SYK: variants seen among roughly 807,000 people sequenced by gnomAD.
SYK encodes tyrosine-protein kinase SYK.
A neutral mutation model predicts 77.8 loss-of-function variants in SYK; 16 were observed. The observed-to-expected ratio is 0.21, with a 90% CI of 0.14 to 0.31. The LOEUF is 0.31. Ranked by LOEUF, SYK falls within the 10% of genes least tolerant of loss-of-function variation. SYK has a pLI of 1.00. For missense variants in SYK, 529 were observed against 814.4 expected (o/e 0.65, Z 4.26); for synonymous variants, 312 against 308.7 (o/e 1.01, Z -0.11).
chr9:90,840,665 A>G (rs1414676031), intron 1 of SYK, among the ~76,000 whole-genome samples: 3 of 152,188 alleles, frequency 2.0e-5, no homozygotes, highest in African/African-American at 7.2e-5. Flanking sequence ...CTTTCTGTTA[A>G]CAGCATTCTT....
intron 1 of SYK, among the ~76,000 whole-genome samples, chr9:90,836,345 T>C (rs925569937): frequency 6.6e-6 from 1 of 151,620 alleles, no homozygotes; most frequent in African/African-American, 2.4e-5. Flanking sequence ...ACAAAATATA[T>C]GTAGTCTATT....
chr9:90,870,274 T>C (rs1159145162), intron 7 of SYK, among the ~76,000 whole-genome samples: 3 of 152,234 alleles, frequency 2.0e-5, no homozygotes, highest in Non-Finnish European at 4.4e-5. Context: ...CCTTCTTTTA[T>C]GGAAAATAGG....
At chr9:90,847,944 G>A (rs954666026) in intron 3 of SYK, among the ~76,000 whole-genome samples, 8 of 152,158 alleles carry the variant, frequency 5.3e-5, no homozygotes, top group South Asian at 2.1e-4. Flanking sequence ...ACCTTGGAGG[G>A]GTTTGCCACC....
intron 1 of SYK, among the ~76,000 whole-genome samples, chr9:90,831,799 CT>C (rs1825905870): frequency 6.6e-6 from 1 of 152,204 alleles, no homozygotes; most frequent in African/African-American, 2.4e-5. Context: ...AACACATTTT[CT>C]TTTCTCTTGG....
chr9:90,891,463 T>C (rs1238424532), intron 13 of SYK, among the ~76,000 whole-genome samples: 3 of 152,162 alleles, frequency 2.0e-5, no homozygotes, highest in African/African-American at 7.2e-5. Context: ...GGAACCTCCA[T>C]GTTGAATATC....
At chr9:90,892,367 A>G (rs185618429) in intron 13 of SYK, among the ~76,000 whole-genome samples, 1 of 152,332 alleles carries the variant, frequency 6.6e-6, no homozygotes, top group East Asian at 1.9e-4. Flanking sequence ...TCATCCTGCT[A>G]CAGGAAGGGT....
chr9:90,826,707 C>A (rs1315865182), intron 1 of SYK, among the ~76,000 whole-genome samples: 1 of 152,154 alleles, frequency 6.6e-6, no homozygotes, highest in Admixed American at 6.5e-5. Flanking sequence ...TCTGGCCCTT[C>A]TTGAGTGTGG....
intron 1 of SYK, among the ~76,000 whole-genome samples, chr9:90,822,772 G>T (rs1000314178): frequency 3.9e-5 from 6 of 152,206 alleles, no homozygotes; most frequent in Admixed American, 3.9e-4. Context: ...ATTGCCTTCA[G>T]TGGGAGTCTT....
chr9:90,825,260 T>C (rs1825634388), intron 1 of SYK, among the ~76,000 whole-genome samples: 1 of 152,208 alleles, frequency 6.6e-6, no homozygotes, highest in Non-Finnish European at 1.5e-5. Flanking sequence ...TGTTCGTACA[T>C]TGGAAGACTC....
At chr9:90,862,581 G>A (rs1827318871) in intron 4 of SYK, among the ~76,000 whole-genome samples, 1 of 152,194 alleles carries the variant, frequency 6.6e-6, no homozygotes, top group African/African-American at 2.4e-5. Context: ...TGTTTGAGAA[G>A]CACTGGTCCA....
At chr9:90,843,190 C>T (rs569524740) in intron 1 of SYK, among the ~76,000 whole-genome samples, 3 of 152,214 alleles carry the variant, frequency 2.0e-5, no homozygotes, top group African/African-American at 7.2e-5. Flanking sequence ...GGGAGGGTGT[C>T]ACTCTTCATG....
intron 6 of SYK, 81 bp downstream of exon 6, chr9:90,865,178 T>C: frequency 2.2e-6 from 3 of 1,364,768 alleles, no homozygotes; most frequent in Non-Finnish European, 3.1e-6. Context: ...CTAACAGGAG[T>C]AGTAGGCATT....
Position 90,884,150 on chromosome 9 carries a change from T to TGTGTATATATATATATATACACAC in SYK, c.1582-3588_1582-3587insTATATATACACACGTGTATATATA, listed in dbSNP as rs1554714310. On this transcript the variant is annotated intron_variant, in intron 11 of 13. Coordinates refer to ENST00000375754, the MANE Select transcript of SYK (RefSeq NM_003177.7). ...AGTGCCCTACATATATATATGTGTG[T>TGTGTATATATATATATATACACAC]GTGTATATATACACACATACACATA... Among the ~76,000 whole-genome samples the TGTGTATATATATATATATACACAC allele has an allele frequency of 3.1e-4, 22 of 71,430 alleles. 1 individual carries two copies. Among genetic ancestry groups the TGTGTATATATATATATATACACAC allele is most frequent in the African/African-American group, 1.2e-3 (19 of 16,386 alleles). The allele number at this position is 71,430 out of a possible 152,430, so 46.9% of individuals were successfully genotyped here. A position where few individuals can be genotyped will look rare whatever the true frequency, so the allele number is the denominator to read the frequency against.
chr9:90,819,780 G>A (rs149508630), intron 1 of SYK, among the ~76,000 whole-genome samples: 2,890 of 152,124 alleles, frequency 0.019, 90 homozygotes, highest in East Asian at 0.15. Flanking sequence ...AACCAATCAT[G>A]CCTTCCCAAT....
chr9:90,833,396 CAG>C (rs1488838685), intron 1 of SYK, among the ~76,000 whole-genome samples: 2 of 152,146 alleles, frequency 1.3e-5, no homozygotes, highest in African/African-American at 4.8e-5. Flanking sequence ...GACAAAAAAA[CAG>C]AACTAAAACT....
chr9:90,884,625 A>G lies in SYK; in HGVS notation c.1582-3124A>G, dbSNP rs1486970251. Reference sequence around the variant, plus strand: ...TGTACATATATACACATATACACATATGTGTACATGTACATATATACACAT... The same window carrying G: ...TGTACATATATACACATATACACATGTGTGTACATGTACATATATACACAT... On this transcript the variant is annotated intron_variant, in intron 11 of 13. Transcript: ENST00000375754. Among the ~76,000 whole-genome samples the G allele has an allele frequency of 2.3e-4, 14 of 62,114 alleles. 6 individuals are homozygous for G. The highest frequency in any genetic ancestry group is 4.1e-4 in the Non-Finnish European group (14 of 34,076). 40.7% of individuals were successfully genotyped at this position (62,114 alleles called of 152,430 possible).
At chr9:90,880,206 G>A (rs1269958023) in intron 11 of SYK, among the ~76,000 whole-genome samples, 1 of 152,210 alleles carries the variant, frequency 6.6e-6, no homozygotes, top group Non-Finnish European at 1.5e-5. Flanking sequence ...TTCCCTAAGA[G>A]GCAGTCCATG....
At chr9:90,893,402 T>C (rs1490277989) in intron 13 of SYK, among the ~76,000 whole-genome samples, 1 of 152,206 alleles carries the variant, frequency 6.6e-6, no homozygotes, top group Non-Finnish European at 1.5e-5. Flanking sequence ...TGTTTTGCTT[T>C]GTTTTTTCAT....
At chr9:90,814,830 A>G (rs1825228287) in intron 1 of SYK, among the ~76,000 whole-genome samples, 1 of 85,398 alleles carries the variant, frequency 1.2e-5, no homozygotes, top group Non-Finnish European at 2.4e-5. Context: ...AACACAACAC[A>G]CGTGCACACA....
Sources: gnomAD v4.1 joint callset for allele counts (sites outside exome capture counted in the v4.1 genomes callset) on GRCh38, gnomAD v4.1.1 for gene constraint, MANE v1.5 for transcripts, NCBI Gene and HGNC (gene_info 2026-07-23, HGNC 2026-07-21) for gene names.